Variants in TSPAN5 observed in about 807,000 individuals in gnomAD.
TSPAN5 encodes the protein tetraspanin-5.
A neutral mutation model predicts 37.1 loss-of-function variants in TSPAN5; 10 were observed. That is an observed-to-expected ratio of 0.27 (90% CI 0.17 to 0.46). The LOEUF (loss-of-function observed/expected upper bound fraction) is 0.46. Ranked by LOEUF, TSPAN5 falls within the 20% of genes least tolerant of loss-of-function variation. TSPAN5 has a pLI of 1.00. For missense variants in TSPAN5, 195 were observed against 326.6 expected (o/e 0.60, Z 3.11); for synonymous variants, 110 against 118.9 (o/e 0.93, Z 0.48).
chr4:98,592,494 G>C (rs1755670320), intron 1 of TSPAN5, among the ~76,000 whole-genome samples: 1 of 133,348 alleles, frequency 7.5e-6, no homozygotes, highest in Non-Finnish European at 1.5e-5. Context: ...GTGCAGGTTA[G>C]TTACATATGT....
At position 98,584,653 on chromosome 4, in the gene TSPAN5, T is replaced by C. The variant is rs1755446446; in HGVS notation, c.81+73493A>G. Among the ~76,000 whole-genome samples, 4 of 152,226 alleles carry C rather than the reference T, an allele frequency of 2.6e-5. No homozygotes were observed. The South Asian group carries it at 8.3e-4, about 31-fold the overall frequency. ...AAAAATCATTTCCTTGCTAAAAGTC[T>C]CTTTATAAAGACTCTGTGATTGCCT... On this transcript the variant is annotated intron_variant, in intron 1 of 7. Transcript: ENST00000305798.
rs536134153 is a variant in TSPAN5, at chr4:98,540,511, T to C, written c.82-32783A>G. Among the ~76,000 whole-genome samples the C allele has an allele frequency of 1.8e-4, 27 of 152,296 alleles. No homozygotes were observed. In the East Asian group the frequency reaches 5.0e-3, roughly 28 times the overall value. Reference sequence around the variant, plus strand: ...TGCCACCATGCCCAGCTAATTTTTGTACTTTTAGTAGAGATGGGGTTTCGC... The same window carrying C: ...TGCCACCATGCCCAGCTAATTTTTGCACTTTTAGTAGAGATGGGGTTTCGC... On this transcript the variant is annotated intron_variant, in intron 1 of 7. Transcript: ENST00000305798.
chr4:98,589,638 G>A (rs570411617), intron 1 of TSPAN5, among the ~76,000 whole-genome samples: 4 of 152,278 alleles, frequency 2.6e-5, no homozygotes, highest in Non-Finnish European at 2.9e-5. Context: ...GAACTGGCAC[G>A]CCAGCTACGC....
At chr4:98,618,378 CAG>C (rs1461396397) in intron 1 of TSPAN5, among the ~76,000 whole-genome samples, 1 of 152,054 alleles carries the variant, frequency 6.6e-6, no homozygotes, top group African/African-American at 2.4e-5. Context: ...AGAGCAAAAC[CAG>C]AATAAAATCA....
At position 98,489,781 on chromosome 4, in the gene TSPAN5, G is replaced by A. The variant is rs910088928; in HGVS notation, c.133-2897C>T. 5.6e-4 allele frequency among the ~76,000 whole-genome samples: 85 copies of A among 151,492 alleles called. 1 individual carries two copies. The highest frequency in any genetic ancestry group is 2.0e-3 in the African/African-American group (81 of 40,986). ...GCTGGATAGAGCTATAACACTCACCGCATGCATGGCCCAAGATTCCATTCC... is the reference window on the plus strand; with the variant it reads ...GCTGGATAGAGCTATAACACTCACCACATGCATGGCCCAAGATTCCATTCC... On this transcript the variant is annotated intron_variant, in intron 2 of 7. Coordinates refer to ENST00000305798, the MANE Select transcript of TSPAN5 (RefSeq NM_005723.4).
chr4:98,627,182 A>G (rs899693606), intron 1 of TSPAN5, among the ~76,000 whole-genome samples: 6 of 152,168 alleles, frequency 3.9e-5, no homozygotes, highest in African/African-American at 1.4e-4. Flanking sequence ...TGTAATTAAA[A>G]GTGTCAGTGT....
At position 98,497,348 on chromosome 4, in the gene TSPAN5, A is replaced by G. The variant is rs555827874; in HGVS notation, c.132+10330T>C. Among the ~76,000 whole-genome samples the G allele has an allele frequency of 6.9e-4, 103 of 150,164 alleles. 2 individuals are homozygous for G. Among genetic ancestry groups the G allele is most frequent in the African/African-American group, 2.4e-3 (99 of 41,002 alleles). Reference sequence around the variant, plus strand: ...AAAAAAAAAAAAAGAAAAGGAAGAGACCAGGGCCCTCCCTCTCTCACTCTG... The same window carrying G: ...AAAAAAAAAAAAAGAAAAGGAAGAGGCCAGGGCCCTCCCTCTCTCACTCTG... On this transcript the variant is annotated intron_variant, in intron 2 of 7. Coordinates refer to ENST00000305798, the MANE Select transcript of TSPAN5 (RefSeq NM_005723.4).
At chr4:98,650,687 TG>T (rs1210671527) in intron 1 of TSPAN5, among the ~76,000 whole-genome samples, 1 of 152,188 alleles carries the variant, frequency 6.6e-6, no homozygotes. Context: ...CTAATAGCAA[TG>T]AGCACACCAA....
chr4:98,540,987 G>A (rs1001449399), intron 1 of TSPAN5, among the ~76,000 whole-genome samples: 3 of 152,112 alleles, frequency 2.0e-5, no homozygotes, highest in Admixed American at 6.5e-5. Context: ...TAAAGAACAC[G>A]GGCCTTAGCT....
chr4:98,551,577 C>T (rs142662729), intron 1 of TSPAN5, among the ~76,000 whole-genome samples: 7,542 of 149,856 alleles, frequency 0.05, 454 homozygotes, highest in Admixed American at 0.12. Flanking sequence ...CTGCAACCTC[C>T]GCCTCCCGGG....
intron 1 of TSPAN5, among the ~76,000 whole-genome samples, chr4:98,562,609 C>T (rs1289910561): frequency 1.3e-5 from 2 of 151,936 alleles, no homozygotes; most frequent in African/African-American, 4.8e-5. Context: ...TGCAGAGAGC[C>T]GAGATCGCGC....
intron 1 of TSPAN5, among the ~76,000 whole-genome samples, chr4:98,584,810 G>T (rs562463329): frequency 6.6e-6 from 1 of 152,194 alleles, no homozygotes; most frequent in Non-Finnish European, 1.5e-5. Context: ...GAGTGACCAA[G>T]AGAATTGAAT....
intron 2 of TSPAN5, among the ~76,000 whole-genome samples, chr4:98,503,525 C>T (rs914365614): frequency 6.6e-6 from 1 of 152,034 alleles, no homozygotes; most frequent in Admixed American, 6.5e-5. Flanking sequence ...AGGGTAGATC[C>T]AGAATCAATG....
intron 1 of TSPAN5, among the ~76,000 whole-genome samples, chr4:98,568,702 A>T (rs1755059623): frequency 6.6e-6 from 1 of 152,336 alleles, no homozygotes; most frequent in Non-Finnish European, 1.5e-5. Context: ...GGGAGAGAAG[A>T]TATAAAGGCT....
chr4:98,552,093 T>G (rs1754632731), intron 1 of TSPAN5, among the ~76,000 whole-genome samples: 1 of 152,198 alleles, frequency 6.6e-6, no homozygotes, highest in Admixed American at 6.5e-5. Context: ...ATCTTCTCTC[T>G]TCTTTTCTTG....
At chr4:98,503,950 T>C (rs1753414659) in intron 2 of TSPAN5, among the ~76,000 whole-genome samples, 1 of 152,216 alleles carries the variant, frequency 6.6e-6, no homozygotes, top group African/African-American at 2.4e-5. Context: ...TAAATCAGCT[T>C]CCCTTGGAGA....
At chr4:98,521,707 G>C in intron 1 of TSPAN5, among the ~76,000 whole-genome samples, 1 of 152,234 alleles carries the variant, frequency 6.6e-6, no homozygotes. Flanking sequence ...AGCTTGCCCT[G>C]TGGGATGTCA....
chr4:98,594,039 A>T (rs1441650332), intron 1 of TSPAN5, among the ~76,000 whole-genome samples: 6 of 74,920 alleles, frequency 8.0e-5, no homozygotes, highest in Admixed American at 7.6e-4. Flanking sequence ...CAGTATGGCC[A>T]TTTTCACAAT....
chr4:98,612,707 C>G (rs997270256), intron 1 of TSPAN5, among the ~76,000 whole-genome samples: 6 of 152,004 alleles, frequency 3.9e-5, no homozygotes, highest in Non-Finnish European at 7.3e-5. Context: ...GGGCTCCCCC[C>G]GCTCCCCTAT....
Sources: gnomAD v4.1 joint callset for allele counts (sites outside exome capture counted in the v4.1 genomes callset) on GRCh38, gnomAD v4.1.1 for gene constraint, MANE v1.5 for transcripts, NCBI Gene and HGNC (gene_info 2026-07-23, HGNC 2026-07-21) for gene names.